The following COL13A1 variants were observed in gnomAD, a reference collection of about 807,000 sequenced individuals.
COL13A1 encodes collagen alpha-1(XIII) chain.
In COL13A1, 89 loss-of-function variants were observed where a neutral mutation model predicts 130.9. The observed-to-expected ratio is 0.68, with a 90% confidence interval of 0.57 to 0.81. The LOEUF is 0.81. Ranked by LOEUF, COL13A1 falls within the 30% of genes least tolerant of loss-of-function variation. The pLI, the probability that COL13A1 is intolerant of heterozygous loss-of-function variation, is 0.00. For synonymous variants in COL13A1, 402 were observed against 341.6 expected (o/e 1.18, Z -1.95); for missense variants, 879 against 934.6 (o/e 0.94, Z 0.78).
At position 69,802,472 on chromosome 10, in the gene COL13A1, C is replaced by A; in HGVS notation, c.49C>A (p.Pro17Thr). ...HKAAATGARG[P>T]GELGAPGTVA... is the part of the protein sequence containing the mutation. ...AGCGGCAGCCACCGGTGCCCGCGGC[C>A]CTGGGGAGTTGGGCGCGCCCGGGAC... The change falls in exon 1 of 41, where the codon CCT becomes ACT. Residue 17 changes from proline (P) to threonine (T), a missense_variant. By Grantham distance (38) the Pro-to-Thr change is conservative. Around this residue, in one of 3 missense-constraint regions of COL13A1, gnomAD observed 715 missense variants for 721.0 expected, o/e 0.99. Coordinates refer to ENST00000645393, the MANE Select transcript of COL13A1 (RefSeq NM_001368882.1). 4.0e-6 allele frequency: 6 copies of A among 1,518,460 alleles called. No homozygotes were observed. Among genetic ancestry groups the A allele is most frequent in the African/African-American group, 1.4e-5 (1 of 69,078 alleles). 94.1% of individuals were successfully genotyped at this position (1,518,460 alleles called of 1,614,324 possible).
chr10:69,848,528 C>A (rs1041608650), intron 2 of COL13A1, among the ~76,000 whole-genome samples: 1 of 152,102 alleles, frequency 6.6e-6, no homozygotes, highest in African/African-American at 2.4e-5. Context: ...AGCTCATCCC[C>A]GAGGATACCC....
At chr10:69,919,121 C>T (rs373788206) in intron 20 of COL13A1, 33 bp downstream of exon 20, 2 of 1,613,658 alleles carry the variant, frequency 1.2e-6, no homozygotes, top group African/African-American at 2.7e-5. Context: ...CCGGGCTGCA[C>T]AGAGCATCGG....
At chr10:69,945,795 G>A (rs991600848) in intron 37 of COL13A1, 71 bp downstream of exon 37, 10 of 1,549,830 alleles carry the variant, frequency 6.5e-6, no homozygotes, top group Admixed American at 3.9e-5. Context: ...ACGGCCGGCC[G>A]GGCATGGTGG....
intron 17 of COL13A1, among the ~76,000 whole-genome samples, chr10:69,911,781 T>C (rs945118657): frequency 6.6e-6 from 1 of 152,232 alleles, no homozygotes; most frequent in African/African-American, 2.4e-5. Context: ...AGTGGAGTGC[T>C]TTGCCCATTG....
At chr10:69,810,227 C>T (rs1457965566) in intron 1 of COL13A1, among the ~76,000 whole-genome samples, 3 of 152,132 alleles carry the variant, frequency 2.0e-5, no homozygotes, top group South Asian at 2.1e-4. Context: ...TTTCAAAACA[C>T]GCCAGGCCAA....
intron 30 of COL13A1, among the ~76,000 whole-genome samples, chr10:69,931,932 T>C (rs1293641067): frequency 6.6e-6 from 1 of 152,164 alleles, no homozygotes; most frequent in East Asian, 1.9e-4. Context: ...TGTATTCTCA[T>C]CTGGAGCTAG....
intron 39 of COL13A1, 137 bp downstream of exon 39, chr10:69,953,105 A>T: frequency 1.7e-6 from 1 of 582,472 alleles, no homozygotes; most frequent in Non-Finnish European, 2.8e-6. Context: ...TGTTCATTTG[A>T]CTGGTGAAAT....
chr10:69,853,208 GAGACGCCTC>G (rs1855459607), intron 2 of COL13A1, among the ~76,000 whole-genome samples: 1 of 152,196 alleles, frequency 6.6e-6, no homozygotes, highest in South Asian at 2.1e-4. Flanking sequence ...GAAGCCACCA[GAGACGCCTC>G]ACCCTCTTCT....
At position 69,903,582 on chromosome 10, in the gene COL13A1, C is replaced by T. The variant is rs141667571; in HGVS notation, c.858+727C>T. On this transcript the variant is annotated intron_variant, in intron 15 of 40. Coordinates refer to ENST00000645393, the MANE Select transcript of COL13A1 (RefSeq NM_001368882.1). ...GTGGGTACCTGGACTTCAGAGAAAA[C>T]GGGTCTTCCACCCACCCGTAAGACT... 4.1e-3 allele frequency among the ~76,000 whole-genome samples: 624 copies of T among 152,344 alleles called. 2 individuals carry two copies. The highest frequency in any genetic ancestry group is 6.1e-3 in the Admixed American group (94 of 15,310).
At chr10:69,947,932 G>A (rs574107654) in intron 38 of COL13A1, among the ~76,000 whole-genome samples, 3 of 152,294 alleles carry the variant, frequency 2.0e-5, no homozygotes, top group Non-Finnish European at 2.9e-5. Context: ...AAATGCCCAT[G>A]GCACCCACAG....
chr10:69,823,827 CG>C (rs936188249), intron 2 of COL13A1, among the ~76,000 whole-genome samples: 2 of 151,972 alleles, frequency 1.3e-5, no homozygotes, highest in African/African-American at 4.8e-5. Context: ...AGATAGGGCC[CG>C]GGGGTCTGGG....
chr10:69,806,427 G>C (rs1050132574), intron 1 of COL13A1, among the ~76,000 whole-genome samples: 11 of 152,230 alleles, frequency 7.2e-5, no homozygotes, highest in Admixed American at 1.3e-4. Flanking sequence ...AGGCAGATCT[G>C]AGGGGACCAG....
rs192022100 is a variant in COL13A1 at position 69,927,976 on chromosome 10, A to T, written c.1422+866A>T. On this transcript the variant is annotated intron_variant, in intron 27 of 40. Transcript: ENST00000645393. ...GGAGTTCAAGACCAGCTTGGCCAAC[A>T]TGGTGTCTCTACTAAAAATACAAAA... is the stretch of plus-strand genomic sequence containing the variant. Among the ~76,000 whole-genome samples, 72 of 152,314 alleles carry T rather than the reference A, an allele frequency of 4.7e-4. 1 individual carries two copies. The East Asian group carries it at 0.012, about 26-fold the overall frequency.
intron 36 of COL13A1, among the ~76,000 whole-genome samples, chr10:69,945,023 C>T (rs115962269): frequency 3.7e-4 from 56 of 152,290 alleles, no homozygotes; most frequent in African/African-American, 1.2e-3. Flanking sequence ...TGGGCATGTC[C>T]GAGGGTGAGG....
chr10:69,943,580 G>A (rs1259448609), intron 35 of COL13A1, among the ~76,000 whole-genome samples: 1 of 152,190 alleles, frequency 6.6e-6, no homozygotes, highest in Non-Finnish European at 1.5e-5. Context: ...GATCCAGCCA[G>A]TTCCGCAGGC....
chr10:69,908,369 G>C (rs1442106811), intron 17 of COL13A1, among the ~76,000 whole-genome samples: 3 of 152,180 alleles, frequency 2.0e-5, no homozygotes, highest in African/African-American at 7.2e-5. Flanking sequence ...AGCCCCCGCA[G>C]TTGCCTCTAT....
At chr10:69,881,321 C>T (rs1236248785) in intron 7 of COL13A1, among the ~76,000 whole-genome samples, 4 of 151,798 alleles carry the variant, frequency 2.6e-5, no homozygotes, top group African/African-American at 9.7e-5. Flanking sequence ...CGTGTAGAGG[C>T]TGGGCAGGAT....
At chr10:69,951,535 T>C (rs1469002923) in intron 38 of COL13A1, among the ~76,000 whole-genome samples, 3 of 152,110 alleles carry the variant, frequency 2.0e-5, no homozygotes, top group African/African-American at 4.8e-5. Flanking sequence ...CGACTAATTT[T>C]TTTATTCTTT....
At chr10:69,853,018 G>A (rs1054841390) in intron 2 of COL13A1, among the ~76,000 whole-genome samples, 4 of 115,270 alleles carry the variant, frequency 3.5e-5, no homozygotes, top group Admixed American at 8.1e-5. Context: ...GCGGGGGAGC[G>A]GGGGGAGGTA....
Sources: gnomAD v4.1 joint callset for allele counts (sites outside exome capture counted in the v4.1 genomes callset) on GRCh38, gnomAD v4.1.1 for gene constraint, gnomAD v4.1.1 regional missense constraint, MANE v1.5 for transcripts, NCBI Gene and HGNC (gene_info 2026-07-23, HGNC 2026-07-21) for gene names.